The following MANSC1 variants were observed in gnomAD, a reference collection of about 807,000 sequenced individuals.
MANSC1 encodes MANSC domain containing 1.
A neutral mutation model predicts 14.1 loss-of-function variants in MANSC1; 13 were observed. That is an observed-to-expected ratio of 0.92 (90% CI 0.60 to 1.46). The LOEUF (loss-of-function observed/expected upper bound fraction) is 1.46. Ranked by LOEUF, MANSC1 falls within the 40% of genes most tolerant of loss-of-function variation. The probability of loss-of-function intolerance (pLI) is 0.00; values close to 1 mark genes in which losing one functional copy is unlikely to be tolerated. For missense variants in MANSC1, 486 were observed against 511.4 expected (o/e 0.95, Z 0.48); for synonymous variants, 227 against 200.7 (o/e 1.13, Z -1.11).
At chr12:12,345,213 G>A (rs768180789) in intron 1 of MANSC1, among the ~76,000 whole-genome samples, 4 of 149,782 alleles carry the variant, frequency 2.7e-5, no homozygotes, top group East Asian at 2.0e-4. Flanking sequence ...CCAGCTACTC[G>A]GGAGGTTGAG....
Position 12,330,005 on chromosome 12 carries a change from T to G in MANSC1, c.*22A>C. 1 of 1,596,916 alleles carries G rather than the reference T, an allele frequency of 6.3e-7. No homozygotes were observed. Among genetic ancestry groups the G allele is most frequent in the Non-Finnish European group, 8.6e-7 (1 of 1,169,048 alleles). On this transcript the variant is annotated 3_prime_UTR_variant, in exon 4 of 4. Coordinates refer to ENST00000535902, the MANE Select transcript of MANSC1 (RefSeq NM_018050.4). ...TTGGGCTTCTGGTTACTAAATGAAT[T>G]AAGAGACACCGAGTTCCATCCTTAG...
In MANSC1 at chr12:12,327,596, TC is replaced by T. The variant is rs1011462872; in HGVS notation, c.*2430del. 6.6e-6 allele frequency: 1 copy of T among 152,112 alleles called. No homozygotes were observed. Among genetic ancestry groups the T allele is most frequent in the Non-Finnish European group, 1.5e-5 (1 of 68,032 alleles). The allele number at this position is 152,112 out of a possible 1,614,324, so 9.4% of individuals were successfully genotyped here. On this transcript the variant is annotated 3_prime_UTR_variant, in exon 4 of 4. Transcript: ENST00000535902. Reference sequence around the variant, plus strand: ...GAAAGCCTGATTTCCACTCGCTAAATCCATTAATAAAGAGAGGAGAAATTTT... The same window carrying T: ...GAAAGCCTGATTTCCACTCGCTAAATCATTAATAAAGAGAGGAGAAATTTT...
intron 1 of MANSC1, among the ~76,000 whole-genome samples, chr12:12,349,168 T>C (rs1450896618): frequency 6.6e-6 from 1 of 152,204 alleles, no homozygotes; most frequent in Non-Finnish European, 1.5e-5. Context: ...AATAATTTTT[T>C]CCACTCAAGT....
At position 12,327,464 on chromosome 12, in the gene MANSC1, A is replaced by C. The variant is rs1862722596; in HGVS notation, c.*2563T>G. ...ACTAACAGTTTGGGCCCGTAGCATCACTCATCTGGACCGCTCCCATGTGGT... is the reference window on the plus strand; with the variant it reads ...ACTAACAGTTTGGGCCCGTAGCATCCCTCATCTGGACCGCTCCCATGTGGT... On this transcript the variant is annotated 3_prime_UTR_variant, in exon 4 of 4. Coordinates refer to ENST00000535902, the MANE Select transcript of MANSC1 (RefSeq NM_018050.4). 1 of 152,060 alleles carries C rather than the reference A, an allele frequency of 6.6e-6. No individual in the cohort carries two copies. Among genetic ancestry groups the C allele is most frequent in the African/African-American group, 2.4e-5 (1 of 41,392 alleles). 9.4% of individuals were successfully genotyped at this position (152,060 alleles called of 1,614,324 possible). A position where few individuals can be genotyped will look rare whatever the true frequency, so the allele number is the denominator to read the frequency against.
intron 3 of MANSC1, among the ~76,000 whole-genome samples, chr12:12,332,734 T>C (rs1737884958): frequency 6.6e-6 from 1 of 152,188 alleles, no homozygotes; most frequent in Non-Finnish European, 1.5e-5. Context: ...TTGGCCAAGC[T>C]GGTTTCAAAC....
chr12:12,349,018 T>C (rs186736711), intron 1 of MANSC1, among the ~76,000 whole-genome samples: 95 of 152,324 alleles, frequency 6.2e-4, no homozygotes, highest in African/African-American at 2.2e-3. Context: ...TGACGTGGTA[T>C]TGAGTATAGA....
At chr12:12,340,526 G>A (rs1323753063) in intron 2 of MANSC1, among the ~76,000 whole-genome samples, 2 of 152,190 alleles carry the variant, frequency 1.3e-5, no homozygotes, top group East Asian at 3.8e-4. Flanking sequence ...AAAATTGTAT[G>A]CAAGATATTG....
At chr12:12,338,890 A>AACACACACACACACAC (rs56183211) in intron 2 of MANSC1, 6,957 of 192,854 alleles carry the variant, frequency 0.036, 207 homozygotes, top group African/African-American at 0.042. Context: ...CACACACACA[A>AACACACACACACACAC]ACACACACAC....
intron 2 of MANSC1, among the ~76,000 whole-genome samples, chr12:12,340,909 C>T (rs1010452058): frequency 2.6e-5 from 4 of 152,122 alleles, no homozygotes; most frequent in Non-Finnish European, 5.9e-5. Context: ...CATAAAGTGT[C>T]CCAAAGCACA....
In MANSC1 at chr12:12,330,123, G is replaced by C; in HGVS notation, c.1200C>G (p.Gly400=). The change falls in exon 4 of 4, where the codon GGC becomes GGG. Residue 400 remains glycine (G), a synonymous_variant. Transcript: ENST00000535902. Reference sequence around the variant, plus strand: ...AGAGGATTCTACCCAGGAGGACGAGGCCTATCACCAGGAACAGGACACCAA... The same window carrying C: ...AGAGGATTCTACCCAGGAGGACGAGCCCTATCACCAGGAACAGGACACCAA... ...LLFGVLFLVI[G]LVLLGRILSE... is the part of the protein sequence containing the mutation. The C allele has an allele frequency of 6.2e-7, 1 of 1,614,114 alleles. No homozygotes were observed. The highest frequency in any genetic ancestry group is 8.5e-7 in the Non-Finnish European group (1 of 1,179,998).
At chr12:12,335,954 G>T (rs1327097924) in intron 3 of MANSC1, among the ~76,000 whole-genome samples, 4 of 151,826 alleles carry the variant, frequency 2.6e-5, no homozygotes, top group African/African-American at 9.7e-5. Flanking sequence ...AGGCCGAGGT[G>T]GGTGGATTAC....
chr12:12,342,134 G>C (rs192763051), intron 2 of MANSC1, among the ~76,000 whole-genome samples: 3 of 152,258 alleles, frequency 2.0e-5, no homozygotes, highest in Admixed American at 2.0e-4. Flanking sequence ...CAGAGAACAG[G>C]GTCTTGCTAT....
In MANSC1 at chr12:12,329,684, G is replaced by GACCA. The variant is rs1565790417; in HGVS notation, c.*339_*342dup. On this transcript the variant is annotated 3_prime_UTR_variant, in exon 4 of 4. Transcript: ENST00000535902. ...GTGGATCACTAGGTCAGGAGTTTGA[G>GACCA]ACCAGCCTGACCAACATGGTGAAAC... is the stretch of plus-strand genomic sequence containing the variant. 1 of 190,398 alleles carries GACCA rather than the reference G, an allele frequency of 5.3e-6. No homozygotes were observed. The highest frequency in any genetic ancestry group is 1.1e-5 in the Non-Finnish European group (1 of 91,344). 11.8% of individuals were successfully genotyped at this position (190,398 alleles called of 1,614,324 possible). A position where few individuals can be genotyped will look rare whatever the true frequency, so the allele number is the denominator to read the frequency against.
chr12:12,328,400 G>T lies in MANSC1; in HGVS notation c.*1627C>A, dbSNP rs996284067. On this transcript the variant is annotated 3_prime_UTR_variant, in exon 4 of 4. Transcript: ENST00000535902. ...GCCTCCCAAGTAGCTGGAACTACAG[G>T]CGCCCGCCACCACGCCCGGCTAATT... is the stretch of plus-strand genomic sequence containing the variant. The T allele has an allele frequency of 1.3e-5, 2 of 151,974 alleles. No homozygotes were observed. Among genetic ancestry groups the T allele is most frequent in the African/African-American group, 2.4e-5 (1 of 41,388 alleles). 9.4% of individuals were successfully genotyped at this position (151,974 alleles called of 1,614,324 possible).
At chr12:12,334,074 C>A (rs1390607457) in intron 3 of MANSC1, among the ~76,000 whole-genome samples, 1 of 101,170 alleles carries the variant, frequency 9.9e-6, no homozygotes, top group African/African-American at 3.6e-5. Context: ...CATACTGAGA[C>A]CCCCCCATTG....
chr12:12,343,306 G>T lies in MANSC1; in HGVS notation c.9C>A (p.Phe3Leu), dbSNP rs747267958. 4 of 1,612,374 alleles carry T rather than the reference G, an allele frequency of 2.5e-6. No homozygotes were observed. The highest frequency in any genetic ancestry group is 3.4e-6 in the Non-Finnish European group (4 of 1,178,712). The change falls in exon 2 of 4, where the codon TTC (phenylalanine) becomes TTA (leucine). Residue 3 changes from phenylalanine to leucine, a missense_variant. Physicochemically the swap from Phe to Leu is conservative, Grantham distance 22. Transcript: ENST00000535902. MF[F>L]GGEGSLTYTL... Reference sequence around the variant, plus strand: ...TGTAAGTCAAGCTCCCTTCTCCCCCGAAGAACATTTTAAATTTCAGTTTAG... The same window carrying T: ...TGTAAGTCAAGCTCCCTTCTCCCCCTAAGAACATTTTAAATTTCAGTTTAG...
intron 2 of MANSC1, among the ~76,000 whole-genome samples, chr12:12,340,059 C>T (rs1205082319): frequency 6.6e-6 from 1 of 152,070 alleles, no homozygotes; most frequent in African/African-American, 2.4e-5. Flanking sequence ...CAATCCATCC[C>T]CCTCAACCTC....
In MANSC1 at chr12:12,338,403, T is replaced by A; in HGVS notation, c.364+17A>T. 1 of 1,568,532 alleles carries A rather than the reference T, an allele frequency of 6.4e-7. No homozygotes were observed. The highest frequency in any genetic ancestry group is 1.4e-5 in the African/African-American group (1 of 72,474). On this transcript the variant is annotated intron_variant, in intron 3 of 3. Transcript: ENST00000535902. ...ATTATTCCAATCACAAAAGAAAAAG[T>A]ATAATGCTTTCATTACCTGTAATTA...
chr12:12,340,397 G>A (rs948093376), intron 2 of MANSC1, among the ~76,000 whole-genome samples: 3 of 152,094 alleles, frequency 2.0e-5, no homozygotes, highest in Non-Finnish European at 4.4e-5. Context: ...GTTTTATCAC[G>A]TCATATCCCC....
Sources: allele counts gnomAD v4.1 joint callset (sites outside exome capture counted in the v4.1 genomes callset), GRCh38; gene constraint gnomAD v4.1.1; transcripts MANE v1.5; gene names NCBI Gene and HGNC (gene_info 2026-07-23, HGNC 2026-07-21).